Variants in ERCC6L2 observed in about 807,000 individuals in gnomAD.
ERCC6L2 encodes the protein ERCC excision repair 6 like 2.
Under a neutral mutation model 132.0 loss-of-function variants are expected in ERCC6L2, and 77 were observed. The ratio of observed to expected loss-of-function variants is 0.58; its 90% CI spans 0.49 to 0.71. The LOEUF (loss-of-function observed/expected upper bound fraction) is 0.71. Among genes scored for constraint, ERCC6L2 ranks in the 30% least tolerant of loss-of-function variants. ERCC6L2 has a pLI of 0.00. For missense variants in ERCC6L2, 1,542 were observed against 1,837.6 expected (o/e 0.84, Z 2.94); for synonymous variants, 583 against 632.4 (o/e 0.92, Z 1.17).
rs959763429 is a variant in ERCC6L2, at chr9:96,015,696, G to T, written c.*2493G>T. Among the ~76,000 whole-genome samples the T allele has an allele frequency of 6.6e-6, 1 of 151,544 alleles. No individual in the cohort carries two copies. The highest frequency in any genetic ancestry group is 6.6e-5 in the Admixed American group (1 of 15,236). On this transcript the variant is annotated 3_prime_UTR_variant, in exon 19 of 19. Coordinates refer to ENST00000653738, the MANE Select transcript of ERCC6L2 (RefSeq NM_020207.7). Reference sequence around the variant, plus strand: ...TGGGCGCCTGTAGTCCCAGCTACTCGGGAGGCTGAGGCAGGAGAATGGCGT... The same window carrying T: ...TGGGCGCCTGTAGTCCCAGCTACTCTGGAGGCTGAGGCAGGAGAATGGCGT...
chr9:95,952,166 TA>T (rs57310402), intron 12 of ERCC6L2, among the ~76,000 whole-genome samples: 57 of 57,712 alleles, frequency 9.9e-4, no homozygotes, highest in South Asian at 1.6e-3. Context: ...GACTCCATCT[TA>T]AAAAAAAAAA....
rs923531869 is a variant in ERCC6L2 at position 96,010,419 on chromosome 9, T to G, written c.3675-1806T>G. On this transcript the variant is annotated intron_variant, in intron 18 of 18. Transcript: ENST00000653738. Reference sequence around the variant, plus strand: ...GCATTGAAGCTCCTACTAACATACATTAAAAGTAATTTTTTTAATGCTAAG... The same window carrying G: ...GCATTGAAGCTCCTACTAACATACAGTAAAAGTAATTTTTTTAATGCTAAG... Among the ~76,000 whole-genome samples the G allele has an allele frequency of 2.0e-5, 3 of 152,212 alleles. No homozygotes were observed. In the East Asian group the frequency reaches 5.8e-4, roughly 29 times the overall value.
chr9:96,034,096 G>A (rs1399736448), intron 19 of ERCC6L2, among the ~76,000 whole-genome samples: 1 of 152,226 alleles, frequency 6.6e-6, no homozygotes, highest in African/African-American at 2.4e-5. Context: ...CATTCTCCCA[G>A]GCTGAAAGAA....
At chr9:95,909,718 G>T (rs369641847) in intron 4 of ERCC6L2, among the ~76,000 whole-genome samples, 11 of 152,138 alleles carry the variant, frequency 7.2e-5, no homozygotes, top group African/African-American at 2.4e-4. Flanking sequence ...GGATTTTTGG[G>T]TTTTTCCAGT....
chr9:95,945,575 T>C (rs143908270), intron 12 of ERCC6L2, among the ~76,000 whole-genome samples: 1 of 152,340 alleles, frequency 6.6e-6, no homozygotes, highest in East Asian at 1.9e-4. Flanking sequence ...CTTCACAATT[T>C]ATGTTCAGAG....
At chr9:95,958,689 C>T (rs1408279706) in intron 13 of ERCC6L2, among the ~76,000 whole-genome samples, 1 of 152,056 alleles carries the variant, frequency 6.6e-6, no homozygotes, top group African/African-American at 2.4e-5. Context: ...TCTCAGGATA[C>T]AAAATCAATG....
chr9:95,878,925 G>A (rs1157039640), intron 1 of ERCC6L2, among the ~76,000 whole-genome samples: 1 of 152,050 alleles, frequency 6.6e-6, no homozygotes, highest in Non-Finnish European at 1.5e-5. Flanking sequence ...ATTTGGGTTG[G>A]TTCCAAGTCT....
At chr9:95,983,987 A>C (rs1209447220) in intron 17 of ERCC6L2, among the ~76,000 whole-genome samples, 1 of 152,006 alleles carries the variant, frequency 6.6e-6, no homozygotes, top group African/African-American at 2.4e-5. Flanking sequence ...CCAGTCTTTT[A>C]ATTTTTCAAG....
Position 95,955,988 on chromosome 9 carries a change from T to C in ERCC6L2, c.1922T>C (p.Met641Thr), listed in dbSNP as rs750616975. 64 of 1,605,528 alleles carry C rather than the reference T, an allele frequency of 4.0e-5. No individual in the cohort carries two copies. The Middle Eastern group carries it at 5.0e-4, about 13-fold the overall frequency. Residue 641 changes from methionine to threonine, a missense_variant, in exon 13 of 19, where the codon ATG (methionine) becomes ACG (threonine). Physicochemically the swap from Met to Thr is moderately conservative, Grantham distance 81. Transcript: ENST00000653738. ...TCCTTGGGAACTGTGGAGGAAATCA[T>C]GTATTTACGACAGATATACAAGCAG... ...LISLGTVEEI[M>T]YLRQIYKQQL...
chr9:95,969,763 C>T (rs1832330063), intron 14 of ERCC6L2, among the ~76,000 whole-genome samples: 1 of 152,124 alleles, frequency 6.6e-6, no homozygotes, highest in Non-Finnish European at 1.5e-5. Context: ...CCCTAGAGTT[C>T]CATAGGGGAG....
At chr9:95,895,082 T>C (rs907866683) in intron 2 of ERCC6L2, among the ~76,000 whole-genome samples, 35 of 152,344 alleles carry the variant, frequency 2.3e-4, no homozygotes, top group South Asian at 1.2e-3. Context: ...ATTGTGCTTG[T>C]GGATTTGTCT....
At chr9:95,999,895 A>G (rs897859462) in intron 17 of ERCC6L2, among the ~76,000 whole-genome samples, 1 of 142,474 alleles carries the variant, frequency 7.0e-6, no homozygotes, top group Non-Finnish European at 1.5e-5. Context: ...TTAAGATACA[A>G]TTTTTTTTTT....
chr9:95,908,881 C>G (rs1040876923), intron 4 of ERCC6L2, among the ~76,000 whole-genome samples: 1 of 152,066 alleles, frequency 6.6e-6, no homozygotes, highest in Non-Finnish European at 1.5e-5. Flanking sequence ...GTGATACTTT[C>G]ACATCAGCAT....
chr9:95,886,841 A>G (rs979968211), intron 2 of ERCC6L2, among the ~76,000 whole-genome samples: 1 of 152,214 alleles, frequency 6.6e-6, no homozygotes, highest in Non-Finnish European at 1.5e-5. Context: ...TGGCAGGCAC[A>G]GTCTTATCAG....
At chr9:95,876,264 A>C (rs1019852617) in intron 1 of ERCC6L2, 180 bp downstream of exon 1, 6 of 541,384 alleles carry the variant, frequency 1.1e-5, no homozygotes, top group African/African-American at 9.6e-5. Flanking sequence ...GAGAACCTGG[A>C]CTCGGGAGTC....
chr9:96,039,554 G>C (rs1834555191), intron 20 of ERCC6L2, among the ~76,000 whole-genome samples: 1 of 152,184 alleles, frequency 6.6e-6, no homozygotes, highest in Non-Finnish European at 1.5e-5. Context: ...GGTGGCAGTG[G>C]GACTTGGCTT....
intron 13 of ERCC6L2, 65 bp from the exon 14 acceptor site, chr9:95,966,497 C>A (rs1407031105): frequency 2.9e-6 from 4 of 1,357,302 alleles, no homozygotes; most frequent in Admixed American, 2.4e-5. Context: ...CAGGGAATGC[C>A]AGGAAATTCT....
Position 95,897,891 on chromosome 9 carries a change from C to T in ERCC6L2, c.514C>T (p.Arg172Cys), listed in dbSNP as rs149385968. The T allele has an allele frequency of 1.6e-4, 256 of 1,612,264 alleles. 1 individual carries two copies. The highest frequency in any genetic ancestry group is 1.4e-3 in the South Asian group (127 of 90,848). The change falls in exon 3 of 19, where the codon CGT becomes TGT. Residue 172 changes from arginine to cysteine, a missense_variant. Physicochemically the swap from Arg to Cys is radical, Grantham distance 180. Around this residue, in one of 4 missense-constraint regions of ERCC6L2, gnomAD observed 945 missense variants for 1,105.2 expected, o/e 0.86. Coordinates refer to ENST00000653738, the MANE Select transcript of ERCC6L2 (RefSeq NM_020207.7). Reference protein sequence around the residue: ...LAAVLHKKGTREDIENNMPEF... With the variant: ...LAAVLHKKGTCEDIENNMPEF... ...TGCAGTTTTGCATAAAAAGGGAACT[C>T]GTGAGGATATTGAAAATAACATGCC... is the stretch of plus-strand genomic sequence containing the variant.
Position 96,016,819 on chromosome 9 carries a change from A to G in ERCC6L2, c.*3616A>G, listed in dbSNP as rs1016019085. 2.6e-5 allele frequency among the ~76,000 whole-genome samples: 4 copies of G among 152,214 alleles called. No individual in the cohort carries two copies. The highest frequency in any genetic ancestry group is 9.6e-5 in the African/African-American group (4 of 41,460). On this transcript the variant is annotated 3_prime_UTR_variant, in exon 19 of 19. Transcript: ENST00000653738. Reference sequence around the variant, plus strand: ...TGTCCTTACATAAAAGTTGGTAATCATATGTCAGTCCCAGAAGTTTTATTT... The same window carrying G: ...TGTCCTTACATAAAAGTTGGTAATCGTATGTCAGTCCCAGAAGTTTTATTT...
Sources: allele counts gnomAD v4.1 joint callset (sites outside exome capture counted in the v4.1 genomes callset), GRCh38; gene constraint gnomAD v4.1.1; regional missense constraint gnomAD v4.1.1; transcripts MANE v1.5; gene names NCBI Gene and HGNC (gene_info 2026-07-23, HGNC 2026-07-21).